Variants in SDK1 observed in about 807,000 individuals in gnomAD.
SDK1 encodes sidekick cell adhesion molecule 1.
Under a neutral mutation model 245.5 loss-of-function variants are expected in SDK1, and 157 were observed. The ratio of observed to expected loss-of-function variants is 0.64; its 90% CI spans 0.56 to 0.73. SDK1 has a LOEUF of 0.73. Among genes scored for constraint, SDK1 ranks in the 30% least tolerant of loss-of-function variants. The pLI is 0.00. For synonymous variants in SDK1, 1,647 were observed against 1,278.5 expected (o/e 1.29, Z -6.15); for missense variants, 3,583 against 3,002.3 (o/e 1.19, Z -4.52).
chr7:3,558,137 C>T (rs762080818), intron 1 of SDK1, among the ~76,000 whole-genome samples: 9 of 151,986 alleles, frequency 5.9e-5, no homozygotes, highest in Non-Finnish European at 8.8e-5. Flanking sequence ...GTATAGTTGC[C>T]GAATCAGATG....
intron 38 of SDK1, among the ~76,000 whole-genome samples, chr7:4,211,466 G>C (rs1025203681): frequency 6.6e-6 from 1 of 152,048 alleles, no homozygotes; most frequent in African/African-American, 2.4e-5. Context: ...TCAGGGGTGT[G>C]TATTGAAGGT....
chr7:3,326,325 C>A (rs550361584), intron 1 of SDK1, among the ~76,000 whole-genome samples: 1 of 152,246 alleles, frequency 6.6e-6, no homozygotes, highest in East Asian at 1.9e-4. Flanking sequence ...TGTATTCTCT[C>A]AGTCCACAAC....
At position 3,523,466 on chromosome 7, in the gene SDK1, T is replaced by C. The variant is rs117542430; in HGVS notation, c.299-95614T>C. 3.3e-3 allele frequency among the ~76,000 whole-genome samples: 503 copies of C among 152,226 alleles called. 1 individual carries two copies. The highest frequency in any genetic ancestry group is 0.012 in the African/African-American group (484 of 41,538). On this transcript the variant is annotated intron_variant, in intron 1 of 44. Transcript: ENST00000404826. ...GGTAAGTTACCACTGAGTGCTAGAT[T>C]AGTGGATTAAAATGACCTTTCTACC...
chr7:3,800,037 G>A (rs1372514008), intron 4 of SDK1, among the ~76,000 whole-genome samples: 2 of 152,072 alleles, frequency 1.3e-5, no homozygotes, highest in African/African-American at 2.4e-5. Context: ...TCAAGTATAG[G>A]TGATTTTATA....
intron 1 of SDK1, among the ~76,000 whole-genome samples, chr7:3,529,302 C>G (rs1029574306): frequency 6.6e-6 from 1 of 152,126 alleles, no homozygotes; most frequent in East Asian, 1.9e-4. Flanking sequence ...TTTGTAAATT[C>G]CATCCTCTAC....
At chr7:3,902,358 C>T (rs375613524) in intron 5 of SDK1, among the ~76,000 whole-genome samples, 2 of 152,196 alleles carry the variant, frequency 1.3e-5, no homozygotes, top group African/African-American at 2.4e-5. Flanking sequence ...TATTTACCCA[C>T]TTATTCAATC....
At chr7:3,752,286 A>C (rs966857495) in intron 4 of SDK1, among the ~76,000 whole-genome samples, 5 of 152,162 alleles carry the variant, frequency 3.3e-5, no homozygotes, top group African/African-American at 1.2e-4. Flanking sequence ...TAGGACTTCA[A>C]AGACCCCTTT....
chr7:3,701,809 A>G (rs534606283), intron 4 of SDK1, among the ~76,000 whole-genome samples: 1 of 152,150 alleles, frequency 6.6e-6, no homozygotes, highest in Admixed American at 6.5e-5. Context: ...GGGAACATAG[A>G]AATAGGCCCA....
intron 1 of SDK1, among the ~76,000 whole-genome samples, chr7:3,413,127 G>T (rs936081414): frequency 2.0e-5 from 3 of 152,316 alleles, no homozygotes; most frequent in East Asian, 3.9e-4. Flanking sequence ...TGATATTTCA[G>T]CTAAACCTGG....
intron 4 of SDK1, among the ~76,000 whole-genome samples, chr7:3,777,186 G>C (rs749215423): frequency 1.3e-5 from 2 of 152,210 alleles, no homozygotes; most frequent in Non-Finnish European, 2.9e-5. Flanking sequence ...GAAGACTCTT[G>C]AGACGTAAAA....
At chr7:3,630,360 A>G (rs1022428741) in intron 2 of SDK1, among the ~76,000 whole-genome samples, 51 of 152,228 alleles carry the variant, frequency 3.4e-4, no homozygotes, top group Non-Finnish European at 3.2e-4. Flanking sequence ...GAAAATATAT[A>G]CTTTTAAAAA....
chr7:3,885,241 A>G (rs991802280), intron 5 of SDK1, among the ~76,000 whole-genome samples: 1 of 152,130 alleles, frequency 6.6e-6, no homozygotes, highest in Non-Finnish European at 1.5e-5. Flanking sequence ...CTATAAGTGC[A>G]CTGGCAGTGA....
intron 1 of SDK1, among the ~76,000 whole-genome samples, chr7:3,553,632 C>A (rs1267742463): frequency 6.6e-6 from 1 of 152,110 alleles, no homozygotes; most frequent in Non-Finnish European, 1.5e-5. Flanking sequence ...AAGGGAAATA[C>A]TCTTCTTTCT....
At chr7:3,362,458 C>A (rs78570048) in intron 1 of SDK1, among the ~76,000 whole-genome samples, 3,511 of 152,138 alleles carry the variant, frequency 0.023, 147 homozygotes, top group African/African-American at 0.08. Context: ...ATTTTTGCAG[C>A]ACCAAACTCA....
chr7:3,737,475 AGGCTGAGCCCCAG>A (rs1779349686), intron 4 of SDK1, among the ~76,000 whole-genome samples: 1 of 152,194 alleles, frequency 6.6e-6, no homozygotes, highest in South Asian at 2.1e-4. Flanking sequence ...GGAGAGCTGT[AGGCTGAGCCCCAG>A]GGCTGAGCCA....
chr7:3,899,341 T>C (rs1276488985), intron 5 of SDK1, among the ~76,000 whole-genome samples: 1 of 152,184 alleles, frequency 6.6e-6, no homozygotes, highest in Non-Finnish European at 1.5e-5. Context: ...CTCCCCATCA[T>C]CTACAGGCTA....
rs1487638551 is a variant in SDK1 at position 3,549,925 on chromosome 7, G to A, written c.299-69155G>A. Reference sequence around the variant, plus strand: ...AAAAAAAACCCATTTTGGTGCATGTGGCATGAAAATGAAACAATGCAGCTT... The same window carrying A: ...AAAAAAAACCCATTTTGGTGCATGTAGCATGAAAATGAAACAATGCAGCTT... On this transcript the variant is annotated intron_variant, in intron 1 of 44. Coordinates refer to ENST00000404826, the MANE Select transcript of SDK1 (RefSeq NM_152744.4). 2.0e-5 allele frequency among the ~76,000 whole-genome samples: 3 copies of A among 151,954 alleles called. No individual in the cohort carries two copies. The South Asian group carries it at 6.2e-4, about 31-fold the overall frequency.
intron 5 of SDK1, among the ~76,000 whole-genome samples, chr7:3,866,406 C>T (rs1780821967): frequency 6.6e-6 from 1 of 152,156 alleles, no homozygotes; most frequent in Admixed American, 6.5e-5. Flanking sequence ...AGAGAGTGAT[C>T]TGTGCTTTGA....
intron 1 of SDK1, among the ~76,000 whole-genome samples, chr7:3,520,202 T>C (rs1782889470): frequency 6.6e-6 from 1 of 152,182 alleles, no homozygotes; most frequent in Non-Finnish European, 1.5e-5. Context: ...GGAATAGTGA[T>C]TTGTAAGTGA....
Sources: allele counts gnomAD v4.1 joint callset (sites outside exome capture counted in the v4.1 genomes callset), GRCh38; gene constraint gnomAD v4.1.1; transcripts MANE v1.5; gene names NCBI Gene and HGNC (gene_info 2026-07-23, HGNC 2026-07-21).